SLC47A2: variants seen among roughly 807,000 people sequenced by gnomAD.
SLC47A2 encodes the protein solute carrier family 47 member 2.
In SLC47A2, 52 loss-of-function variants were observed where a neutral mutation model predicts 67.7. The ratio of observed to expected loss-of-function variants is 0.77; its 90% CI spans 0.61 to 0.97. SLC47A2 has a LOEUF of 0.97. SLC47A2 is among the 50% of genes least tolerant of loss of function. The probability of loss-of-function intolerance (pLI) is 0.00; values close to 1 mark genes in which losing one functional copy is unlikely to be tolerated. For missense variants in SLC47A2, 676 were observed against 712.3 expected (o/e 0.95, Z 0.58); for synonymous variants, 278 against 292.9 (o/e 0.95, Z 0.52).
At chr17:19,702,774 G>C (rs2152349727) in intron 12 of SLC47A2, 100 bp from the exon 13 acceptor site, 1 of 1,333,266 alleles carries the variant, frequency 7.5e-7, no homozygotes, top group South Asian at 1.3e-5. Flanking sequence ...AAAAAGCTTT[G>C]GAATAGAGGT....
At chr17:19,716,594 C>CCTGCA, upstream of SLC47A2, 1 of 1,543,156 alleles carries the variant, frequency 6.5e-7, no homozygotes, top group Non-Finnish European at 8.7e-7. Flanking sequence ...CGCCTGAGCG[C>CCTGCA]CTGCACGGCC....
chr17:19,704,303 G>C (rs2085868668), intron 10 of SLC47A2, 125 bp from the exon 11 acceptor site: 1 of 736,446 alleles, frequency 1.4e-6, no homozygotes, highest in Non-Finnish European at 2.2e-6. Context: ...TGCAGTGTAA[G>C]AGGCACGTCA....
At position 19,705,430 on chromosome 17, in the gene SLC47A2, C is replaced by A; in HGVS notation, c.909+6G>T. 6.2e-7 allele frequency: 1 copy of A among 1,610,030 alleles called. No individual in the cohort carries two copies. The highest frequency in any genetic ancestry group is 8.5e-7 in the Non-Finnish European group (1 of 1,178,490). ...TGTGGGGAAGGCACCCCTGCAGGAGCCTTACCATGTAGGTCACAGTGGCCA... is the reference window on the plus strand; with the variant it reads ...TGTGGGGAAGGCACCCCTGCAGGAGACTTACCATGTAGGTCACAGTGGCCA... On this transcript the variant is annotated splice_donor_region_variant and intron_variant, in intron 10 of 16. Coordinates refer to ENST00000433844, the MANE Select transcript of SLC47A2 (RefSeq NM_001099646.3).
intron 4 of SLC47A2, 53 bp from the exon 5 acceptor site, chr17:19,712,798 A>C: frequency 6.4e-7 from 1 of 1,559,304 alleles, no homozygotes; most frequent in South Asian, 1.1e-5. Flanking sequence ...CCGGGGAGGC[A>C]GGGCCCTCTC....
At chr17:19,708,149 C>T (rs910622268) in intron 7 of SLC47A2, among the ~76,000 whole-genome samples, 153 bp downstream of exon 7, 11 of 152,190 alleles carry the variant, frequency 7.2e-5, no homozygotes, top group African/African-American at 2.7e-4. Flanking sequence ...ACTGAGGTCC[C>T]CAAGGGACCA....
chr17:19,704,071 T>C lies in SLC47A2; in HGVS notation c.1017A>G (p.Ile339Met), dbSNP rs1409906717. 6.2e-7 allele frequency: 1 copy of C among 1,605,896 alleles called. No individual in the cohort carries two copies. Among genetic ancestry groups the C allele is most frequent in the Non-Finnish European group, 8.5e-7 (1 of 1,177,992 alleles). Residue 339 changes from isoleucine to methionine, a missense_variant and splice_region_variant, in exon 11 of 17, where the codon ATA (isoleucine) becomes ATG (methionine). Physicochemically the swap from Ile to Met is conservative, Grantham distance 10. Coordinates refer to ENST00000433844, the MANE Select transcript of SLC47A2 (RefSeq NM_001099646.3). ...KRSAVSGVLSIVGISLVLGTL... is the reference protein window; with the variant it reads ...KRSAVSGVLSMVGISLVLGTL... ...CCACCAGGAGAGGACTCCACCTACC[T>C]ATGCTGAGCACGCCCGAGACGGCCG...
intron 9 of SLC47A2, 53 bp downstream of exon 9, chr17:19,706,595 G>A (rs1027746887): frequency 9.6e-6 from 14 of 1,457,116 alleles, no homozygotes; most frequent in Non-Finnish European, 7.4e-6. Flanking sequence ...GGGGGCTTCT[G>A]GGCTGGGTGA....
intron 13 of SLC47A2, among the ~76,000 whole-genome samples, chr17:19,694,466 A>G (rs1444163748): frequency 3.3e-5 from 5 of 152,230 alleles, no homozygotes; most frequent in Non-Finnish European, 7.3e-5. Context: ...AAACCACTAC[A>G]TTTATGGTCA....
At chr17:19,695,516 A>C (rs1226211423) in intron 13 of SLC47A2, among the ~76,000 whole-genome samples, 1 of 62,048 alleles carries the variant, frequency 1.6e-5, no homozygotes, top group Non-Finnish European at 2.9e-5. Flanking sequence ...AAAAAACAGC[A>C]AAAAAAAAAA....
upstream of SLC47A2, chr17:19,717,311 A>T (rs758426): frequency 0.28 from 41,990 of 152,166 alleles, 6,130 homozygotes; most frequent in East Asian, 0.44. Flanking sequence ...CAAGGCTGTG[A>T]CTCGACGTCC....
chr17:19,686,217 A>C (rs753708330), intron 13 of SLC47A2, among the ~76,000 whole-genome samples: 17 of 152,266 alleles, frequency 1.1e-4, no homozygotes, highest in Non-Finnish European at 1.8e-4. Context: ...AGCCAAGATC[A>C]CACCATTGCA....
rs75854637 is a variant in SLC47A2, at chr17:19,716,414, C to T, written c.123+19G>A. The T allele has an allele frequency of 3.7e-5, 60 of 1,602,454 alleles. No individual in the cohort carries two copies. The highest frequency in any genetic ancestry group is 1.4e-4 in the South Asian group (12 of 88,640). On this transcript the variant is annotated intron_variant, in intron 1 of 16. Transcript: ENST00000433844. ...AGCTTCCTCCACTCCCTACCTGCCC[C>T]CCAGCTCCTCCTCCTTACCAGGGGT...
chr17:19,692,273 G>A (rs1003875561), intron 13 of SLC47A2: 2 of 429,584 alleles, frequency 4.7e-6, no homozygotes, highest in South Asian at 1.7e-5. Context: ...ATTGACCCAC[G>A]CTTACCAAGG....
At chr17:19,708,649 C>T (rs941538861) in intron 6 of SLC47A2, 67 bp downstream of exon 6, 1 of 1,603,114 alleles carries the variant, frequency 6.2e-7, no homozygotes, top group South Asian at 1.1e-5. Flanking sequence ...AAGCCCCAGG[C>T]CCCCCTCCCA....
chr17:19,705,518 C>G lies in SLC47A2; in HGVS notation c.842-15G>C. The G allele has an allele frequency of 6.2e-7, 1 of 1,605,746 alleles. No individual in the cohort carries two copies. The highest frequency in any genetic ancestry group is 8.5e-7 in the Non-Finnish European group (1 of 1,177,524). On this transcript the variant is annotated splice_polypyrimidine_tract_variant and intron_variant, in intron 9 of 16. Coordinates refer to ENST00000433844, the MANE Select transcript of SLC47A2 (RefSeq NM_001099646.3). Reference sequence around the variant, plus strand: ...ACTGAGCAGCCCTAGAGAAGAGGCCCGCCGTGAGTCCGGCCCGCAGCCCCA... The same window carrying G: ...ACTGAGCAGCCCTAGAGAAGAGGCCGGCCGTGAGTCCGGCCCGCAGCCCCA...
intron 13 of SLC47A2, chr17:19,692,192 C>T: frequency 2.6e-6 from 1 of 391,894 alleles, no homozygotes; most frequent in South Asian, 1.9e-5. Context: ...CGTGCCACTG[C>T]ACTCCAGCCT....
intron 3 of SLC47A2, 80 bp downstream of exon 3, chr17:19,714,641 C>G (rs2086199779): frequency 6.5e-7 from 1 of 1,542,416 alleles, no homozygotes; most frequent in South Asian, 1.1e-5. Flanking sequence ...TGCGCCCCTC[C>G]CACCTGCCAT....
At position 19,715,098 on chromosome 17, in the gene SLC47A2, G is replaced by C. The variant is rs374546982; in HGVS notation, c.225+18C>G. ...TGGGGAGAGAACGTCCCTGCTCTGG[G>C]CCAAGCTGGGTACTCACGGCCACCG... is the stretch of plus-strand genomic sequence containing the variant. On this transcript the variant is annotated intron_variant, in intron 2 of 16. Coordinates refer to ENST00000433844, the MANE Select transcript of SLC47A2 (RefSeq NM_001099646.3). 6.3e-5 allele frequency: 101 copies of C among 1,608,682 alleles called. No individual in the cohort carries two copies. The African/African-American group carries it at 1.3e-3, about 21-fold the overall frequency.
chr17:19,713,390 G>GTAA (rs34354818), intron 4 of SLC47A2, among the ~76,000 whole-genome samples: 32,347 of 148,250 alleles, frequency 0.22, 3,812 homozygotes, highest in East Asian at 0.37. Flanking sequence ...TCTGTCTCAA[G>GTAA]TAATAATAAT....
Sources: gnomAD v4.1 joint callset for allele counts (sites outside exome capture counted in the v4.1 genomes callset) on GRCh38, gnomAD v4.1.1 for gene constraint, MANE v1.5 for transcripts, NCBI Gene and HGNC (gene_info 2026-07-23, HGNC 2026-07-21) for gene names.